The following RCAN1 variants were observed in gnomAD, a reference collection of about 807,000 sequenced individuals.
The protein encoded by RCAN1 is regulator of calcineurin 1.
A neutral mutation model predicts 22.9 loss-of-function variants in RCAN1; 11 were observed. The observed-to-expected ratio is 0.48, with a 90% CI of 0.30 to 0.79. RCAN1 has a LOEUF of 0.79. RCAN1 is among the 30% of genes least tolerant of loss of function. RCAN1 has a pLI of 0.06. For synonymous variants in RCAN1, 136 were observed against 142.3 expected (o/e 0.96, Z 0.32); for missense variants, 291 against 337.8 (o/e 0.86, Z 1.09).
At chr21:34,530,894 G>C (rs552117516) in intron 1 of RCAN1, among the ~76,000 whole-genome samples, 1 of 152,222 alleles carries the variant, frequency 6.6e-6, no homozygotes, top group African/African-American at 2.4e-5. Flanking sequence ...AAGTGGTAAA[G>C]TAGTTTTACT....
Position 34,577,536 on chromosome 21 carries a change from C to CT in RCAN1, c.252+37223dup, listed in dbSNP as rs1987452163. Reference sequence around the variant, plus strand: ...ATCACTTGAGTCCAGGTGGTAGAGGCTACAGTGAGCTGTGATCATGCCACT... The same window carrying CT: ...ATCACTTGAGTCCAGGTGGTAGAGGCTTACAGTGAGCTGTGATCATGCCACT... On this transcript the variant is annotated intron_variant, in intron 1 of 3. Transcript: ENST00000313806. 3.3e-5 allele frequency among the ~76,000 whole-genome samples: 5 copies of CT among 152,240 alleles called. No homozygotes were observed. The South Asian group carries it at 1.0e-3, about 32-fold the overall frequency.
chr21:34,578,253 T>C (rs1023715524), intron 1 of RCAN1, among the ~76,000 whole-genome samples: 5 of 152,168 alleles, frequency 3.3e-5, no homozygotes, highest in African/African-American at 7.2e-5. Flanking sequence ...CCTGCAAATA[T>C]ATAGCTTGAG....
chr21:34,591,718 A>G (rs1987979429), intron 1 of RCAN1, among the ~76,000 whole-genome samples: 2 of 152,232 alleles, frequency 1.3e-5, no homozygotes, highest in Admixed American at 6.5e-5. Flanking sequence ...AGATTCTCGC[A>G]TGGTGGATCC....
At chr21:34,596,269 G>A (rs139790750) in intron 1 of RCAN1, among the ~76,000 whole-genome samples, 2 of 152,296 alleles carry the variant, frequency 1.3e-5, no homozygotes, top group Non-Finnish European at 2.9e-5. Flanking sequence ...ATAAGCGGAG[G>A]CCTTCCTGCC....
chr21:34,546,976 C>T (rs963722257), intron 1 of RCAN1, among the ~76,000 whole-genome samples: 1 of 152,106 alleles, frequency 6.6e-6, no homozygotes, highest in African/African-American at 2.4e-5. Context: ...CAGATAATAC[C>T]TACGTGAATA....
intron 1 of RCAN1, among the ~76,000 whole-genome samples, chr21:34,578,503 G>C (rs1987489655): frequency 1.3e-5 from 2 of 152,066 alleles, no homozygotes; most frequent in African/African-American, 4.8e-5. Context: ...CTGTGAGCAG[G>C]GTTCCCAGGC....
chr21:34,540,744 T>G (rs1010085156), intron 1 of RCAN1, among the ~76,000 whole-genome samples: 2 of 152,054 alleles, frequency 1.3e-5, no homozygotes, highest in Admixed American at 1.3e-4. Flanking sequence ...CCCAGCACTT[T>G]GGGAGGCCGA....
rs1034088046 is a variant in RCAN1 at position 34,591,864 on chromosome 21, C to T, written c.252+22896G>A. Among the ~76,000 whole-genome samples the T allele has an allele frequency of 1.3e-5, 2 of 152,258 alleles. 1 individual carries two copies. Among genetic ancestry groups the T allele is most frequent in the Admixed American group, 1.3e-4 (2 of 15,292 alleles). ...GTCACATAGCAAACTACAACATGAC[C>T]GGGATTTCAGCTCTAAAAAGTGCCA... On this transcript the variant is annotated intron_variant, in intron 1 of 3. Transcript: ENST00000313806.
At chr21:34,562,485 G>T (rs1986826265) in intron 1 of RCAN1, among the ~76,000 whole-genome samples, 1 of 152,226 alleles carries the variant, frequency 6.6e-6, no homozygotes, top group Non-Finnish European at 1.5e-5. Context: ...TGGGAGAGCA[G>T]AGGCGACATG....
chr21:34,610,922 G>A (rs1358205078), intron 1 of RCAN1, among the ~76,000 whole-genome samples: 1 of 152,080 alleles, frequency 6.6e-6, no homozygotes, highest in Non-Finnish European at 1.5e-5. Flanking sequence ...TTTTAGGTAA[G>A]TTTACTCAAG....
At chr21:34,537,791 A>G (rs1438772994) in intron 1 of RCAN1, among the ~76,000 whole-genome samples, 1 of 152,158 alleles carries the variant, frequency 6.6e-6, no homozygotes, top group Non-Finnish European at 1.5e-5. Flanking sequence ...CGAATTATAC[A>G]TGGAGAGGGC....
chr21:34,574,330 G>C (rs17399594), intron 1 of RCAN1, among the ~76,000 whole-genome samples: 1,852 of 152,342 alleles, frequency 0.012, 34 homozygotes, highest in African/African-American at 0.042. Context: ...AATCAAGCGT[G>C]AGGGTGAGAT....
At chr21:34,612,394 C>G (rs1195764532) in intron 1 of RCAN1, among the ~76,000 whole-genome samples, 1 of 152,202 alleles carries the variant, frequency 6.6e-6, no homozygotes, top group East Asian at 1.9e-4. Context: ...GTCCCTCTGC[C>G]GGGATGCCGG....
chr21:34,599,143 C>G (rs144433655), intron 1 of RCAN1, among the ~76,000 whole-genome samples: 8 of 152,254 alleles, frequency 5.3e-5, no homozygotes, highest in African/African-American at 1.9e-4. Flanking sequence ...AATTCCACTT[C>G]TAGCAATGTA....
intron 1 of RCAN1, among the ~76,000 whole-genome samples, chr21:34,555,879 C>T (rs888286293): frequency 4.0e-5 from 6 of 151,046 alleles, no homozygotes; most frequent in Admixed American, 1.3e-4. Context: ...CTGGCTAACA[C>T]GATGAAACCC....
At chr21:34,542,037 T>TA (rs1985936001) in intron 1 of RCAN1, among the ~76,000 whole-genome samples, 1 of 152,206 alleles carries the variant, frequency 6.6e-6, no homozygotes, top group East Asian at 1.9e-4. Context: ...GACAAAATCT[T>TA]GTGTTTCTGC....
At chr21:34,602,174 C>T (rs1988375434) in intron 1 of RCAN1, among the ~76,000 whole-genome samples, 1 of 152,140 alleles carries the variant, frequency 6.6e-6, no homozygotes, top group Admixed American at 6.5e-5. Context: ...CCTAGTAAGC[C>T]ACCATCTAGA....
At chr21:34,546,665 A>C (rs963392529) in intron 1 of RCAN1, among the ~76,000 whole-genome samples, 1 of 152,234 alleles carries the variant, frequency 6.6e-6, no homozygotes, top group Non-Finnish European at 1.5e-5. Context: ...TCTCCAACTC[A>C]GAGGGTAGAA....
chr21:34,581,491 G>GC, intron 1 of RCAN1, among the ~76,000 whole-genome samples: 1 of 152,238 alleles, frequency 6.6e-6, no homozygotes, highest in Non-Finnish European at 1.5e-5. Context: ...TACCTGAAAA[G>GC]CCCCCTCAAA....
Sources: gnomAD v4.1 joint callset for allele counts (sites outside exome capture counted in the v4.1 genomes callset) on GRCh38, gnomAD v4.1.1 for gene constraint, MANE v1.5 for transcripts, NCBI Gene and HGNC (gene_info 2026-07-23, HGNC 2026-07-21) for gene names.